DYNC2I1: variants seen among roughly 807,000 people sequenced by gnomAD.
DYNC2I1 encodes cytoplasmic dynein 2 intermediate chain 1.
A neutral mutation model predicts 133.4 loss-of-function variants in DYNC2I1; 89 were observed. The observed-to-expected ratio is 0.67, with a 90% CI of 0.56 to 0.80. DYNC2I1 has a LOEUF of 0.80. Ranked by LOEUF, DYNC2I1 falls within the 30% of genes least tolerant of loss-of-function variation. DYNC2I1 has a pLI of 0.00. For missense variants in DYNC2I1, 1,291 were observed against 1,314.5 expected, an observed-to-expected ratio of 0.98 and a Z score of 0.28; for synonymous variants, 504 against 484.3, an observed-to-expected ratio of 1.04 and a Z score of -0.54.
chr7:158,938,410 C>T (rs1418565319), intron 23 of DYNC2I1, among the ~76,000 whole-genome samples: 1 of 152,072 alleles, frequency 6.6e-6, no homozygotes, highest in Admixed American at 6.5e-5. Flanking sequence ...AAAGTCTTTC[C>T]CAGATATACA....
intron 12 of DYNC2I1, among the ~76,000 whole-genome samples, chr7:158,912,198 A>G (rs1167906859): frequency 6.6e-6 from 1 of 152,164 alleles, no homozygotes; most frequent in Non-Finnish European, 1.5e-5. Flanking sequence ...CAGAGTTCCT[A>G]CAATTTACTA....
intron 11 of DYNC2I1, among the ~76,000 whole-genome samples, chr7:158,906,616 G>T (rs1027654862): frequency 4.6e-5 from 7 of 151,932 alleles, no homozygotes; most frequent in African/African-American, 1.7e-4. Context: ...CCGCCACCAC[G>T]CCTGGCTAAT....
chr7:158,856,796 G>T, intron 1 of DYNC2I1, 46 bp downstream of exon 1: 1 of 1,231,872 alleles, frequency 8.1e-7, no homozygotes, highest in South Asian at 4.1e-5. Context: ...GAGCTTCGCG[G>T]ACTCCTTCGG....
upstream of DYNC2I1, among the ~76,000 whole-genome samples, chr7:158,851,569 A>G (rs1841061499): frequency 6.6e-6 from 1 of 152,228 alleles, no homozygotes; most frequent in Non-Finnish European, 1.5e-5. Context: ...AGCAAAGCCA[A>G]CTTAAGAAGA....
rs1222486755 is a variant in DYNC2I1 at position 158,871,432 on chromosome 7, CAG to C, written c.361_362del (p.Arg121GlyfsTer45). 6.4e-7 allele frequency: 1 copy of C among 1,551,316 alleles called. No homozygotes were observed. The highest frequency in any genetic ancestry group is 8.7e-7 in the Non-Finnish European group (1 of 1,146,952). Reference protein sequence around the residue: ...AEKSHSRGKDREKEKDRRARK... With the variant: ...AEKSHSRGKDXEKEKDRRARK... ...AAAAGTCTCACAGCAGAGGAAAGGA[CAG>C]GGAAAAAGAAAAAGACAGAAGGGCC... On this transcript the variant is annotated frameshift_variant, in exon 3 of 25. Transcript: ENST00000407559. LOFTEE classifies it high-confidence loss of function.
chr7:158,877,348 T>C (rs1378037178), intron 4 of DYNC2I1, among the ~76,000 whole-genome samples: 1 of 152,236 alleles, frequency 6.6e-6, no homozygotes, highest in Non-Finnish European at 1.5e-5. Flanking sequence ...CCTGCGGTTC[T>C]GGACACTTAG....
At chr7:158,910,494 G>C (rs915372529) in intron 11 of DYNC2I1, among the ~76,000 whole-genome samples, 2 of 151,280 alleles carry the variant, frequency 1.3e-5, no homozygotes, top group Admixed American at 6.6e-5. Context: ...GGCTGTGTCA[G>C]GCCTGTGGGT....
At chr7:158,860,056 GTTT>G (rs34585662) in intron 1 of DYNC2I1, among the ~76,000 whole-genome samples, 1 of 142,940 alleles carries the variant, frequency 7.0e-6, no homozygotes, top group Non-Finnish European at 1.5e-5. Flanking sequence ...TGGTATTAGA[GTTT>G]TTTTTTTTTT....
intron 14 of DYNC2I1, among the ~76,000 whole-genome samples, chr7:158,915,382 CGTCGACATG>C (rs1563161688): frequency 1.8e-4 from 20 of 109,872 alleles, no homozygotes; most frequent in Admixed American, 4.5e-4. Flanking sequence ...GATTGTGAAA[CGTCGACATG>C]CTGGTTGACA....
chr7:158,901,880 A>G (rs771966932), intron 9 of DYNC2I1, 64 bp downstream of exon 9: 50 of 1,231,072 alleles, frequency 4.1e-5, no homozygotes, highest in Non-Finnish European at 5.3e-5. Flanking sequence ...ATCAGCTTAT[A>G]TATAGTAATT....
chr7:158,897,618 G>A (rs1845876873), intron 8 of DYNC2I1, among the ~76,000 whole-genome samples: 1 of 152,014 alleles, frequency 6.6e-6, no homozygotes, highest in African/African-American at 2.4e-5. Flanking sequence ...CTAGTAATTT[G>A]GATCCACTTT....
intron 8 of DYNC2I1, among the ~76,000 whole-genome samples, chr7:158,898,714 G>A (rs916284096): frequency 4.3e-4 from 66 of 152,102 alleles, no homozygotes; most frequent in African/African-American, 1.6e-3. Context: ...TTGATATATT[G>A]GATTAGTATC....
Position 158,916,115 on chromosome 7 carries a change from C to G in DYNC2I1, c.1791+1794C>G, listed in dbSNP as rs6978782. The stretch of plus-strand genomic sequence containing the variant: ...TGTGAAACGTCGACACGCTGGTTGA[C>G]ATTAAGGATGATTGTGAAACGTCGA... On this transcript the variant is annotated intron_variant, in intron 14 of 24. Coordinates refer to ENST00000407559, the MANE Select transcript of DYNC2I1 (RefSeq NM_018051.5). Among the ~76,000 whole-genome samples, 63 of 77,618 alleles carry G rather than the reference C, an allele frequency of 8.1e-4. 16 individuals carry two copies. Among genetic ancestry groups the G allele is most frequent in the Non-Finnish European group, 1.6e-3 (52 of 31,784 alleles). 50.9% of individuals were successfully genotyped at this position (77,618 alleles called of 152,430 possible).
intron 1 of DYNC2I1, among the ~76,000 whole-genome samples, 153 bp downstream of exon 1, chr7:158,856,903 G>C (rs1212957197): frequency 6.6e-6 from 1 of 152,048 alleles, no homozygotes; most frequent in Non-Finnish European, 1.5e-5. Flanking sequence ...TCCGAGGCAG[G>C]AAGGGAAACG....
At chr7:158,869,411 C>A (rs1297545576) in intron 1 of DYNC2I1, 2 of 469,670 alleles carry the variant, frequency 4.3e-6, no homozygotes, top group East Asian at 1.4e-4. Flanking sequence ...CTGGGAGGCC[C>A]ATGATACCTT....
At chr7:158,881,031 C>T (rs371911496) in intron 5 of DYNC2I1, among the ~76,000 whole-genome samples, 9 of 152,172 alleles carry the variant, frequency 5.9e-5, no homozygotes, top group Non-Finnish European at 8.8e-5. Flanking sequence ...AGGAAATGGA[C>T]GTAGAGCTGG....
At chr7:158,846,059 A>G in the DYNC2I1 span, among the ~76,000 whole-genome samples, 6 of 152,322 alleles carry the variant, frequency 3.9e-5, no homozygotes, top group African/African-American at 1.4e-4. Context: ...TAGGAGTTCG[A>G]GACTAGCCTG....
At position 158,954,259 on chromosome 7, in the gene DYNC2I1, A is replaced by C. The variant is rs10281387; in HGVS notation, c.*57-2324A>C. On this transcript the variant is annotated intron_variant and NMD_transcript_variant, in intron 4 of 4. Coordinates refer to the DYNC2I1 transcript ENST00000454771. ...CTTTATGAATTACCCCGTCTCCAGTATGTCTTTATAAGCAGTGTGTGAACA... is the reference window on the plus strand; with the variant it reads ...CTTTATGAATTACCCCGTCTCCAGTCTGTCTTTATAAGCAGTGTGTGAACA... 9.6e-3 allele frequency among the ~76,000 whole-genome samples: 1,466 copies of C among 152,312 alleles called. 30 individuals carry two copies. Among genetic ancestry groups the C allele is most frequent in the African/African-American group, 0.033 (1,370 of 41,552 alleles).
At chr7:158,859,348 T>C (rs1036633216) in intron 1 of DYNC2I1, among the ~76,000 whole-genome samples, 1 of 152,150 alleles carries the variant, frequency 6.6e-6, no homozygotes, top group Non-Finnish European at 1.5e-5. Context: ...TGATGAGATA[T>C]CTTTGTGAGT....
Sources: allele counts gnomAD v4.1 joint callset (sites outside exome capture counted in the v4.1 genomes callset), GRCh38; gene constraint gnomAD v4.1.1; transcripts MANE v1.5; gene names NCBI Gene and HGNC (gene_info 2026-07-23, HGNC 2026-07-21).